USP9Y: variants seen among roughly 807,000 people sequenced by gnomAD.
USP9Y encodes ubiquitin carboxyl-terminal hydrolase 9Y.
Under a neutral mutation model 53.1 loss-of-function variants are expected in USP9Y, and 41 were observed. That is an observed-to-expected ratio of 0.77 (90% CI 0.60 to 1.00). The LOEUF (loss-of-function observed/expected upper bound fraction) is 1.00, where lower values mean the gene tolerates loss of function less well. USP9Y is among the 50% of genes least tolerant of loss of function. The pLI is 0.00. For missense variants in USP9Y, 567 were observed against 535.8 expected (o/e 1.06, Z -0.58); for synonymous variants, 220 against 173.7 (o/e 1.27, Z -2.09).
chrY:12,748,732 T>C (rs2053462194), intron 12 of USP9Y, among the ~76,000 whole-genome samples: 1 of 33,611 alleles, frequency 3.0e-5, no homozygotes, highest in African/African-American at 1.2e-4. Flanking sequence ...AGATTGAGGA[T>C]AGCCTCAGTG....
chrY:12,707,260 G>A, intron 1 of USP9Y, among the ~76,000 whole-genome samples: 2 of 33,271 alleles, frequency 6.0e-5, no homozygotes, highest in African/African-American at 2.4e-4. Flanking sequence ...CTGGATTACA[G>A]CCATGCGCCA....
At chrY:12,826,157 C>T (rs2053545921) in intron 33 of USP9Y, among the ~76,000 whole-genome samples, 1 of 31,703 alleles carries the variant, frequency 3.2e-5, no homozygotes, top group Non-Finnish European at 7.7e-5. Flanking sequence ...AGGCTGGTCT[C>T]GAACTCCAGA....
intron 12 of USP9Y, among the ~76,000 whole-genome samples, chrY:12,745,666 A>G: frequency 2.9e-5 from 1 of 34,099 alleles, no homozygotes; most frequent in Non-Finnish European, 7.3e-5. Flanking sequence ...GCAAACAACC[A>G]TATTATAAGT....
intron 44 of USP9Y, 98 bp downstream of exon 44, chrY:12,856,943 T>TA: frequency 4.6e-6 from 1 of 215,297 alleles, no homozygotes; most frequent in South Asian, 4.3e-5. Context: ...ATATTGTGCT[T>TA]AAAAAAATCA....
intron 27 of USP9Y, among the ~76,000 whole-genome samples, chrY:12,801,639 A>T: frequency 3.0e-5 from 1 of 33,711 alleles, no homozygotes; most frequent in Non-Finnish European, 7.3e-5. Context: ...AATAAAACAC[A>T]ATTGTGGTCT....
Position 12,811,663 on chromosome Y carries a change from G to A in USP9Y, c.4268G>A (p.Gly1423Asp). 1 of 398,043 alleles carries A rather than the reference G, an allele frequency of 2.5e-6. No homozygotes were observed. The highest frequency in any genetic ancestry group is 3.5e-6 in the Non-Finnish European group (1 of 282,832). ...AATGTTAAAAACACAGGTGAAACAG[G>A]TGTCGAAGAGCCAATACTGGAAGGC... Reference protein sequence around the residue: ...RDNVKNTGETGVEEPILEGHL... With the variant: ...RDNVKNTGETDVEEPILEGHL... The change falls in exon 30 of 46, where the codon GGT (glycine) becomes GAT (aspartate). Residue 1423 changes from glycine to aspartate, a missense_variant. Transcript: ENST00000338981.
chrY:12,725,337 T>C, intron 6 of USP9Y, 112 bp downstream of exon 6: 11 of 160,408 alleles, frequency 6.9e-5, no homozygotes, highest in Non-Finnish European at 8.0e-5. Flanking sequence ...TCTGCTGATA[T>C]ATACTGCATA....
At chrY:12,741,487 A>G (rs2053457040) in intron 12 of USP9Y, among the ~76,000 whole-genome samples, 1 of 33,413 alleles carries the variant, frequency 3.0e-5, no homozygotes, top group Admixed American at 2.7e-4. Context: ...TCTAGGTGAT[A>G]AAGATTTGAA....
chrY:12,828,569 T>C (rs970689181), intron 33 of USP9Y, among the ~76,000 whole-genome samples: 17 of 33,105 alleles, frequency 5.1e-4, no homozygotes, highest in Non-Finnish European at 1.0e-3. Context: ...ACAGCTATCA[T>C]GTTGAATGCA....
chrY:12,838,709 T>C, intron 35 of USP9Y, among the ~76,000 whole-genome samples: 1 of 33,088 alleles, frequency 3.0e-5, no homozygotes, highest in Non-Finnish European at 7.4e-5. Flanking sequence ...CCTGAACTCC[T>C]GACCTCATGA....
At chrY:12,708,526 A>T (rs2053421617) in intron 1 of USP9Y, 108 bp from the exon 2 acceptor site, 2 of 34,223 alleles carry the variant, frequency 5.8e-5, no homozygotes, top group African/African-American at 2.3e-4. Context: ...TAAATCACTT[A>T]AAAAATTATC....
chrY:12,797,898 CT>C, intron 27 of USP9Y, among the ~76,000 whole-genome samples: 1 of 33,353 alleles, frequency 3.0e-5, no homozygotes, highest in Non-Finnish European at 7.4e-5. Context: ...TCCCCAGACC[CT>C]TTAGACAGGA....
At chrY:12,857,231 C>T (rs2053578667) in intron 44 of USP9Y, 2 of 62,961 alleles carry the variant, frequency 3.2e-5, no homozygotes, top group Non-Finnish European at 6.5e-5. Context: ...CTCAGCCTCC[C>T]GAGTAGCTGG....
At chrY:12,797,490 A>G in intron 27 of USP9Y, among the ~76,000 whole-genome samples, 5 of 33,989 alleles carry the variant, frequency 1.5e-4, no homozygotes, top group African/African-American at 5.8e-4. Context: ...CATAGAAAGC[A>G]CATGTTCAGG....
At chrY:12,710,301 T>C (rs2053423709) in intron 3 of USP9Y, among the ~76,000 whole-genome samples, 1 of 33,945 alleles carries the variant, frequency 2.9e-5, no homozygotes, top group African/African-American at 1.1e-4. Context: ...TAATTACTTC[T>C]TTTACTATAC....
At chrY:12,751,654 A>G in intron 12 of USP9Y, among the ~76,000 whole-genome samples, 5 of 33,415 alleles carry the variant, frequency 1.5e-4, no homozygotes, top group Non-Finnish European at 3.7e-4. Context: ...ATTTTTTCTT[A>G]GAAATCATGC....
chrY:12,820,602 C>G (rs2053540632), intron 33 of USP9Y, among the ~76,000 whole-genome samples: 1 of 33,539 alleles, frequency 3.0e-5, no homozygotes, highest in East Asian at 7.8e-4. Flanking sequence ...GCCTTGCTCC[C>G]CTTTTTACCT....
intron 3 of USP9Y, among the ~76,000 whole-genome samples, 178 bp from the exon 4 acceptor site, chrY:12,720,411 C>CA (rs2148280081): frequency 3.2e-5 from 1 of 31,562 alleles, no homozygotes; most frequent in South Asian, 7.3e-4. Flanking sequence ...TCCCCCACCC[C>CA]AAAAAAGATT....
intron 12 of USP9Y, among the ~76,000 whole-genome samples, chrY:12,751,861 GCTGT>G (rs2053464439): frequency 3.0e-5 from 1 of 33,352 alleles, no homozygotes; most frequent in Non-Finnish European, 7.4e-5. Flanking sequence ...TTTGTGAAAG[GCTGT>G]CTTTCATTTT....
Sources: gnomAD v4.1 joint callset for allele counts (sites outside exome capture counted in the v4.1 genomes callset) on GRCh38, gnomAD v4.1.1 for gene constraint, MANE v1.5 for transcripts, NCBI Gene and HGNC (gene_info 2026-07-23, HGNC 2026-07-21) for gene names.